The following CACNA2D3 variants were observed in gnomAD, a reference collection of about 807,000 sequenced individuals.
The protein encoded by CACNA2D3 is voltage-dependent calcium channel subunit alpha-2/delta-3.
Under a neutral mutation model 160.6 loss-of-function variants are expected in CACNA2D3, and 60 were observed. That is an observed-to-expected ratio of 0.37 (90% CI 0.30 to 0.46). The LOEUF (loss-of-function observed/expected upper bound fraction) is 0.46. CACNA2D3 is among the 20% of genes least tolerant of loss of function. CACNA2D3 has a pLI of 1.00. For missense variants in CACNA2D3, 1,205 were observed against 1,365.0 expected, an observed-to-expected ratio of 0.88 and a Z score of 1.85; for synonymous variants, 558 against 492.9, an observed-to-expected ratio of 1.13 and a Z score of -1.75.
At chr3:54,831,343 A>G (rs1703874022) in intron 14 of CACNA2D3, among the ~76,000 whole-genome samples, 1 of 152,154 alleles carries the variant, frequency 6.6e-6, no homozygotes, top group East Asian at 1.9e-4. Context: ...GCAGCTTGGC[A>G]TTCACCCCCA....
chr3:54,259,437 G>GA (rs199940557), intron 2 of CACNA2D3, among the ~76,000 whole-genome samples: 17 of 151,006 alleles, frequency 1.1e-4, no homozygotes, highest in South Asian at 1.0e-3. Context: ...AGATTTAATA[G>GA]AAAAAAAAAC....
chr3:55,064,403 G>A (rs181409724), intron 35 of CACNA2D3, among the ~76,000 whole-genome samples: 142 of 152,232 alleles, frequency 9.3e-4, no homozygotes, highest in Non-Finnish European at 1.6e-3. Context: ...GCCAGGTGCC[G>A]GTGAGGTGGG....
intron 13 of CACNA2D3, among the ~76,000 whole-genome samples, chr3:54,794,811 A>C (rs1702835170): frequency 6.6e-6 from 1 of 151,966 alleles, no homozygotes; most frequent in African/African-American, 2.4e-5. Flanking sequence ...CCTTTATTTT[A>C]TTAGCTGCTT....
At chr3:54,417,818 C>G (rs897083988) in intron 4 of CACNA2D3, among the ~76,000 whole-genome samples, 1 of 150,412 alleles carries the variant, frequency 6.6e-6, no homozygotes, top group Non-Finnish European at 1.5e-5. Flanking sequence ...GGGGGGGTTA[C>G]TCCTGTCACC....
At chr3:55,011,344 G>C (rs1265149655) in intron 34 of CACNA2D3, among the ~76,000 whole-genome samples, 3 of 152,210 alleles carry the variant, frequency 2.0e-5, no homozygotes, top group African/African-American at 7.2e-5. Context: ...AGTTCTGAGT[G>C]ACAGTGAGTG....
chr3:54,445,446 A>G (rs150776784), intron 4 of CACNA2D3, among the ~76,000 whole-genome samples: 4 of 152,312 alleles, frequency 2.6e-5, no homozygotes, highest in Non-Finnish European at 5.9e-5. Context: ...ATTAATTCAT[A>G]GATAAAAGCA....
chr3:54,871,752 ACAAG>A (rs1699540694), intron 18 of CACNA2D3, 130 bp downstream of exon 18: 2 of 675,458 alleles, frequency 3.0e-6, no homozygotes, highest in Non-Finnish European at 5.2e-6. Context: ...GGACGTGGAG[ACAAG>A]GGGCCTTTGT....
chr3:54,947,045 C>T (rs533483344), intron 27 of CACNA2D3, among the ~76,000 whole-genome samples: 1 of 152,268 alleles, frequency 6.6e-6, no homozygotes, highest in African/African-American at 2.4e-5. Flanking sequence ...TTTTCTGGAA[C>T]CCCATAATGA....
rs778840207 is a variant in CACNA2D3, at chr3:54,233,125, G to A, written c.205-87317G>A. 2.6e-5 allele frequency among the ~76,000 whole-genome samples: 4 copies of A among 152,182 alleles called. No homozygotes were observed. In the South Asian group the frequency reaches 8.3e-4, roughly 31 times the overall value. ...GGAGGCATTTGAGTAGAGACTGGGT[G>A]TCCTTTTTTCATTCACTCCACTTTT... is the stretch of plus-strand genomic sequence containing the variant. On this transcript the variant is annotated intron_variant, in intron 2 of 37. Coordinates refer to ENST00000474759, the MANE Select transcript of CACNA2D3 (RefSeq NM_018398.3).
In CACNA2D3 at chr3:54,929,289, A is replaced by G. The variant is rs116638426; in HGVS notation, c.2449+29421A>G. Among the ~76,000 whole-genome samples the G allele has an allele frequency of 3.2e-3, 490 of 152,284 alleles. 2 individuals are homozygous for G. Among genetic ancestry groups the G allele is most frequent in the African/African-American group, 0.011 (473 of 41,558 alleles). On this transcript the variant is annotated intron_variant, in intron 27 of 37. Coordinates refer to ENST00000474759, the MANE Select transcript of CACNA2D3 (RefSeq NM_018398.3). ...ACACGACATGGCCCAGAGTGTCTTC[A>G]TAAGTGTTCACAATTTTGCATGAGA... is the stretch of plus-strand genomic sequence containing the variant.
chr3:54,268,159 A>C (rs1702554577), intron 2 of CACNA2D3, among the ~76,000 whole-genome samples: 1 of 152,186 alleles, frequency 6.6e-6, no homozygotes, highest in South Asian at 2.1e-4. Flanking sequence ...AGGTTTAAAG[A>C]AGCAGCTCAT....
intron 14 of CACNA2D3, among the ~76,000 whole-genome samples, chr3:54,831,645 A>T (rs1385006271): frequency 6.6e-6 from 1 of 152,170 alleles, no homozygotes; most frequent in Non-Finnish European, 1.5e-5. Flanking sequence ...AGGTACCTAA[A>T]TTTCTTCTCT....
intron 27 of CACNA2D3, among the ~76,000 whole-genome samples, chr3:54,903,951 A>G (rs1700398452): frequency 6.6e-6 from 1 of 152,272 alleles, no homozygotes; most frequent in African/African-American, 2.4e-5. Context: ...TAGATACTGG[A>G]CATTAGACTT....
At chr3:54,677,366 G>A (rs898614615) in intron 11 of CACNA2D3, among the ~76,000 whole-genome samples, 1 of 152,082 alleles carries the variant, frequency 6.6e-6, no homozygotes, top group Non-Finnish European at 1.5e-5. Context: ...CACATAAATG[G>A]CAAGATTGAG....
At chr3:54,717,301 C>A (rs1406579027) in intron 11 of CACNA2D3, among the ~76,000 whole-genome samples, 2 of 152,186 alleles carry the variant, frequency 1.3e-5, no homozygotes, top group Admixed American at 1.3e-4. Context: ...TCCACATCTT[C>A]TGTTGCACAC....
At chr3:54,984,061 GAGGGGCCCCTT>G (rs1167988787) in intron 29 of CACNA2D3, among the ~76,000 whole-genome samples, 3 of 152,174 alleles carry the variant, frequency 2.0e-5, no homozygotes, top group African/African-American at 7.2e-5. Flanking sequence ...TAGGAGGCCT[GAGGGGCCCCTT>G]TAACAGAAGT....
chr3:54,276,315 C>T (rs1302491136), intron 2 of CACNA2D3, among the ~76,000 whole-genome samples: 1 of 152,234 alleles, frequency 6.6e-6, no homozygotes, highest in East Asian at 1.9e-4. Context: ...CACGCCTGTA[C>T]TCCCAGCATT....
intron 4 of CACNA2D3, among the ~76,000 whole-genome samples, chr3:54,409,740 A>G (rs145177274): frequency 6.6e-6 from 1 of 152,324 alleles, no homozygotes; most frequent in East Asian, 1.9e-4. Context: ...ACCTGTCACA[A>G]TACTTCCTTA....
rs1400821585 is a variant in CACNA2D3, at chr3:54,404,598, C to T, written c.381+17824C>T. Among the ~76,000 whole-genome samples the T allele has an allele frequency of 2.0e-5, 3 of 152,088 alleles. No individual in the cohort carries two copies. In the East Asian group the frequency reaches 5.8e-4, roughly 29 times the overall value. ...AAGGTAAGAATGCCCACACTTGCCA[C>T]TACTATTCAACATAGTACTGGAAGT... On this transcript the variant is annotated intron_variant, in intron 4 of 37. Transcript: ENST00000474759.
Sources: allele counts gnomAD v4.1 joint callset (sites outside exome capture counted in the v4.1 genomes callset), GRCh38; gene constraint gnomAD v4.1.1; transcripts MANE v1.5; gene names NCBI Gene and HGNC (gene_info 2026-07-23, HGNC 2026-07-21).